The following GNAL variants were observed in gnomAD, a reference collection of about 807,000 sequenced individuals.
The protein encoded by GNAL is G protein subunit alpha L.
Under a neutral mutation model 55.1 loss-of-function variants are expected in GNAL, and 18 were observed. The observed-to-expected ratio is 0.33, with a 90% confidence interval of 0.23 to 0.48. The LOEUF is 0.48. Ranked by LOEUF, GNAL falls within the 20% of genes least tolerant of loss-of-function variation. The pLI is 0.99. For missense variants in GNAL, 412 were observed against 614.1 expected (o/e 0.67, Z 3.48); for synonymous variants, 253 against 237.0 (o/e 1.07, Z -0.62).
chr18:11,709,631 C>A (rs907729681), intron 1 of GNAL, among the ~76,000 whole-genome samples: 1 of 152,040 alleles, frequency 6.6e-6, no homozygotes, highest in South Asian at 2.1e-4. Flanking sequence ...AAAACTGCAA[C>A]TGATTTTATA....
chr18:11,851,792 G>T (rs767506161), intron 5 of GNAL: 1 of 1,614,012 alleles, frequency 6.2e-7, no homozygotes. Flanking sequence ...TCGATGGCTG[G>T]TGTGGTTAAG....
At chr18:11,747,236 C>G in intron 1 of GNAL, 1 of 347,732 alleles carries the variant, frequency 2.9e-6, no homozygotes, top group South Asian at 2.7e-5. Flanking sequence ...GGTGGAGAAA[C>G]AGCTCCTGAA....
At chr18:11,876,540 T>G (rs1361244958) in intron 10 of GNAL, 81 bp from the exon 11 acceptor site, 1 of 873,660 alleles carries the variant, frequency 1.1e-6, no homozygotes, top group Non-Finnish European at 2.0e-6. Flanking sequence ...CAGTCTAACG[T>G]TGAAATTCCT....
chr18:11,720,374 G>T (rs1421432435), intron 1 of GNAL, among the ~76,000 whole-genome samples: 1 of 152,164 alleles, frequency 6.6e-6, no homozygotes, highest in Non-Finnish European at 1.5e-5. Flanking sequence ...CTGTTTTGGG[G>T]GAGGGATAAC....
At chr18:11,742,940 C>A (rs1403616192) in intron 1 of GNAL, among the ~76,000 whole-genome samples, 1 of 152,236 alleles carries the variant, frequency 6.6e-6, no homozygotes, top group Non-Finnish European at 1.5e-5. Flanking sequence ...TTAGAGTGTT[C>A]TTATCCTTTC....
At chr18:11,785,976 G>C (rs965816111) in intron 4 of GNAL, among the ~76,000 whole-genome samples, 7 of 152,298 alleles carry the variant, frequency 4.6e-5, no homozygotes, top group African/African-American at 1.7e-4. Flanking sequence ...GTTCTAAAAA[G>C]GAGAGAAAAG....
chr18:11,755,958 A>C (rs2033042583), intron 4 of GNAL, among the ~76,000 whole-genome samples: 1 of 152,238 alleles, frequency 6.6e-6, no homozygotes, highest in African/African-American at 2.4e-5. Flanking sequence ...TTAGACATTT[A>C]TAGAAAAGCA....
intron 4 of GNAL, among the ~76,000 whole-genome samples, chr18:11,780,516 G>A (rs2033899370): frequency 6.6e-6 from 1 of 152,118 alleles, no homozygotes; most frequent in Non-Finnish European, 1.5e-5. Context: ...AAATATTTCA[G>A]CTGTAAATTG....
At chr18:11,869,657 A>T (rs1185025983) in intron 9 of GNAL, among the ~76,000 whole-genome samples, 1 of 152,226 alleles carries the variant, frequency 6.6e-6, no homozygotes, top group African/African-American at 2.4e-5. Context: ...ATACGCCTAT[A>T]ATCCCAGCAC....
At position 11,752,095 on chromosome 18, in the gene GNAL, C is replaced by A. The variant is rs907787060; in HGVS notation, c.377-758C>A. Reference sequence around the variant, plus strand: ...GAAGGGACGTGGGGCGAACCCGGGGCGCTGCGCCACCTCGGCTGTCTCCAG... The same window carrying A: ...GAAGGGACGTGGGGCGAACCCGGGGAGCTGCGCCACCTCGGCTGTCTCCAG... On this transcript the variant is annotated intron_variant, in intron 1 of 11. Transcript: ENST00000334049. This position sits in a 1 kb window ranked among gnomAD's most constrained non-coding sequence, Gnocchi z 4.5. The A allele has an allele frequency of 5.8e-6, 1 of 171,104 alleles. No homozygotes were observed. The highest frequency in any genetic ancestry group is 1.2e-5 in the Non-Finnish European group (1 of 81,502). The allele number at this position is 171,104 out of a possible 1,614,324, so 10.6% of individuals were successfully genotyped here. A position where few individuals can be genotyped will look rare whatever the true frequency, so the allele number is the denominator to read the frequency against.
At chr18:11,852,540 TAC>T (rs2035902161) in intron 5 of GNAL, 1 of 192,824 alleles carries the variant, frequency 5.2e-6, no homozygotes. Flanking sequence ...AGTTTGGTTA[TAC>T]AGTTATAAAC....
Position 11,881,117 on chromosome 18 carries a change from G to A in GNAL, c.1359G>A (p.Lys453=), listed in dbSNP as rs1303396701. ...CRDIIQRMHL[K]QYELL ...ACATCATCCAGCGGATGCACCTCAA[G>A]CAGTATGAGCTCTTGTGAGGATGCT... The change falls in exon 12 of 12, where the codon AAG becomes AAA. Residue 453 remains lysine (K), a synonymous_variant. Coordinates refer to ENST00000334049, the MANE Select transcript of GNAL (RefSeq NM_182978.4). The surrounding 1 kb of genome is among the most constrained non-coding windows in gnomAD (Gnocchi z 4.8). 1.2e-6 allele frequency: 2 copies of A among 1,610,760 alleles called. No individual in the cohort carries two copies. The highest frequency in any genetic ancestry group is 1.7e-6 in the Non-Finnish European group (2 of 1,178,496).
At chr18:11,778,503 A>G (rs1306955376) in intron 4 of GNAL, among the ~76,000 whole-genome samples, 2 of 152,270 alleles carry the variant, frequency 1.3e-5, no homozygotes, top group South Asian at 4.1e-4. Flanking sequence ...CCACAAAAAC[A>G]GTCTTAGCTT....
chr18:11,839,495 G>A (rs1273596259), intron 5 of GNAL, among the ~76,000 whole-genome samples: 1 of 132,714 alleles, frequency 7.5e-6, no homozygotes, highest in African/African-American at 2.8e-5. Flanking sequence ...TGAGGCTGCA[G>A]TAAGCCATGA....
chr18:11,768,130 T>G (rs1432015400), intron 4 of GNAL, among the ~76,000 whole-genome samples: 6 of 152,232 alleles, frequency 3.9e-5, no homozygotes, highest in African/African-American at 1.4e-4. Context: ...AACATGCCTT[T>G]ACTGAGGACA....
chr18:11,719,624 C>T (rs2032048453), intron 1 of GNAL, among the ~76,000 whole-genome samples: 1 of 152,254 alleles, frequency 6.6e-6, no homozygotes, highest in Non-Finnish European at 1.5e-5. Context: ...TGCTTGCGCC[C>T]TGGATGTGTA....
chr18:11,725,499 A>G (rs1181269977), intron 1 of GNAL, among the ~76,000 whole-genome samples: 1 of 152,172 alleles, frequency 6.6e-6, no homozygotes, highest in Admixed American at 6.5e-5. Context: ...GCTCTAGTAA[A>G]CGAATATATC....
At position 11,872,263 on chromosome 18, in the gene GNAL, T is replaced by G. The variant is rs749222767; in HGVS notation, c.1032-5T>G. On this transcript the variant is annotated splice_region_variant and splice_polypyrimidine_tract_variant and intron_variant, in intron 9 of 11. Transcript: ENST00000334049. ...AAATTTGTATGTTTATTTTTCCTTTTTTAGGTGGTTACGGACCATTTCTAT... is the reference window on the plus strand; with the variant it reads ...AAATTTGTATGTTTATTTTTCCTTTGTTAGGTGGTTACGGACCATTTCTAT... The G allele has an allele frequency of 3.8e-6, 6 of 1,570,846 alleles. No homozygotes were observed. In the African/African-American group the frequency reaches 5.5e-5, roughly 14 times the overall value.
At chr18:11,754,738 C>A (rs1422339389) in intron 4 of GNAL, among the ~76,000 whole-genome samples, 1 of 152,192 alleles carries the variant, frequency 6.6e-6, no homozygotes, top group Non-Finnish European at 1.5e-5. Context: ...TAGCATGGAT[C>A]ACTTCTGAAT....
Sources: allele counts gnomAD v4.1 joint callset (sites outside exome capture counted in the v4.1 genomes callset), GRCh38; gene constraint gnomAD v4.1.1; non-coding constraint Gnocchi (gnomAD v3.1); transcripts MANE v1.5; gene names NCBI Gene and HGNC (gene_info 2026-07-23, HGNC 2026-07-21).